ADCY8: variants seen among roughly 807,000 people sequenced by gnomAD.
ADCY8 encodes the protein adenylate cyclase 8.
In ADCY8, 51 loss-of-function variants were observed where a neutral mutation model predicts 119.7. That is an observed-to-expected ratio of 0.43 (90% CI 0.34 to 0.54). ADCY8 has a LOEUF of 0.54. Among genes scored for constraint, ADCY8 ranks in the 20% least tolerant of loss-of-function variants. The probability of loss-of-function intolerance (pLI) is 0.03; values close to 1 mark genes in which losing one functional copy is unlikely to be tolerated. For missense variants in ADCY8, 1,383 were observed against 1,598.8 expected (o/e 0.87, Z 2.30); for synonymous variants, 665 against 651.0 (o/e 1.02, Z -0.33).
At chr8:130,942,342 A>T (rs1490363636) in intron 4 of ADCY8, among the ~76,000 whole-genome samples, 1 of 152,184 alleles carries the variant, frequency 6.6e-6, no homozygotes, top group Non-Finnish European at 1.5e-5. Flanking sequence ...GTCTTCTCTC[A>T]TCTAAAGGTC....
intron 1 of ADCY8, among the ~76,000 whole-genome samples, chr8:131,007,573 A>G (rs943824635): frequency 6.6e-6 from 1 of 152,254 alleles, no homozygotes; most frequent in East Asian, 1.9e-4. Context: ...CCTAGAGCTT[A>G]GCAGTCACCA....
At chr8:130,840,716 G>GT (rs1308921485) in intron 11 of ADCY8, among the ~76,000 whole-genome samples, 2 of 152,114 alleles carry the variant, frequency 1.3e-5, no homozygotes, top group Non-Finnish European at 2.9e-5. Context: ...TGAATACAGT[G>GT]TTTTGGGGTA....
chr8:130,967,134 T>A (rs1019564702), intron 2 of ADCY8, among the ~76,000 whole-genome samples: 2 of 152,258 alleles, frequency 1.3e-5, no homozygotes, highest in South Asian at 2.1e-4. Flanking sequence ...AAGGGTTTTT[T>A]ATGGAATTTT....
At chr8:130,914,980 A>G (rs911372418) in intron 5 of ADCY8, among the ~76,000 whole-genome samples, 17 of 152,184 alleles carry the variant, frequency 1.1e-4, no homozygotes, top group Non-Finnish European at 2.9e-5. Flanking sequence ...AGATGGATCT[A>G]AGAGTCCCAG....
intron 8 of ADCY8, among the ~76,000 whole-genome samples, chr8:130,871,470 A>C (rs1437673557): frequency 6.6e-6 from 1 of 152,190 alleles, no homozygotes; most frequent in Non-Finnish European, 1.5e-5. Context: ...GAATTATCTC[A>C]TAAGGGTTAC....
chr8:131,009,447 C>T (rs1303567280), intron 1 of ADCY8, among the ~76,000 whole-genome samples: 1 of 152,178 alleles, frequency 6.6e-6, no homozygotes, highest in Non-Finnish European at 1.5e-5. Context: ...CTCAGGACAT[C>T]TGATGGTTTT....
At chr8:130,803,916 C>A (rs1224785913) in intron 14 of ADCY8, among the ~76,000 whole-genome samples, 1 of 152,222 alleles carries the variant, frequency 6.6e-6, no homozygotes, top group Admixed American at 6.5e-5. Flanking sequence ...AGAGCACAGG[C>A]AGCTGATGAC....
chr8:130,960,275 T>A (rs1315550184), intron 2 of ADCY8, among the ~76,000 whole-genome samples: 1 of 152,150 alleles, frequency 6.6e-6, no homozygotes, highest in Non-Finnish European at 1.5e-5. Context: ...CAGGTATTAA[T>A]ATTTACTCTG....
chr8:130,947,046 G>C (rs1821126334), intron 3 of ADCY8, among the ~76,000 whole-genome samples: 3 of 152,100 alleles, frequency 2.0e-5, no homozygotes, highest in African/African-American at 7.2e-5. Context: ...TTGATTCTTG[G>C]CATAATTTGT....
chr8:130,943,344 A>G lies in ADCY8; in HGVS notation c.1353+7T>C. On this transcript the variant is annotated splice_region_variant and intron_variant, in intron 4 of 17. Transcript: ENST00000286355. ...AAAAGACGAGGAGGAAATTAAATTC[A>G]ACTCACATGGGCCAGTCGATCAAAT... is the stretch of plus-strand genomic sequence containing the variant. 1 of 1,605,082 alleles carries G rather than the reference A, an allele frequency of 6.2e-7. No homozygotes were observed. Among genetic ancestry groups the G allele is most frequent in the Non-Finnish European group, 8.5e-7 (1 of 1,172,172 alleles).
chr8:130,917,908 C>G (rs1233184598), intron 5 of ADCY8, among the ~76,000 whole-genome samples: 2 of 152,096 alleles, frequency 1.3e-5, no homozygotes, highest in African/African-American at 4.8e-5. Flanking sequence ...TCCTACCTGC[C>G]TGGAAGCACT....
At chr8:130,835,930 C>T (rs190407050) in intron 12 of ADCY8, among the ~76,000 whole-genome samples, 2 of 152,194 alleles carry the variant, frequency 1.3e-5, no homozygotes, top group East Asian at 3.9e-4. Flanking sequence ...GGGCTTAATA[C>T]ACAGTGGCTG....
chr8:131,015,184 C>T (rs1823432003), intron 1 of ADCY8, among the ~76,000 whole-genome samples: 3 of 152,016 alleles, frequency 2.0e-5, no homozygotes, highest in Admixed American at 2.0e-4. Flanking sequence ...TGTCAGTCAT[C>T]AAAATAGAAG....
In ADCY8 at chr8:130,873,075, T is replaced by C. The variant is rs575258440; in HGVS notation, c.2110-5129A>G. ...TTCAGATTTCTTATCCACAGAGAGA[T>C]GATCAGGGAAGTTCGTTTACAGAGG... On this transcript the variant is annotated intron_variant, in intron 8 of 17. Transcript: ENST00000286355. Among the ~76,000 whole-genome samples the C allele has an allele frequency of 2.0e-5, 3 of 152,316 alleles. No homozygotes were observed. In the East Asian group the frequency reaches 5.8e-4, roughly 29 times the overall value.
chr8:130,825,281 AC>A (rs1362385152), intron 12 of ADCY8, among the ~76,000 whole-genome samples: 5 of 152,322 alleles, frequency 3.3e-5, no homozygotes, highest in African/African-American at 1.2e-4. Flanking sequence ...AGAACACTAA[AC>A]ATACTCCTCT....
chr8:130,940,533 A>T (rs1820925696), intron 4 of ADCY8, among the ~76,000 whole-genome samples: 1 of 151,852 alleles, frequency 6.6e-6, no homozygotes. Context: ...AAATGTATGT[A>T]ATATATATAA....
At chr8:130,998,208 A>G (rs774151493) in intron 1 of ADCY8, among the ~76,000 whole-genome samples, 7 of 152,154 alleles carry the variant, frequency 4.6e-5, no homozygotes, top group Non-Finnish European at 7.3e-5. Flanking sequence ...GCCATAAATA[A>G]TAATACAGCA....
At chr8:130,810,393 T>C (rs1321200548) in intron 14 of ADCY8, among the ~76,000 whole-genome samples, 1 of 131,228 alleles carries the variant, frequency 7.6e-6, no homozygotes, top group African/African-American at 2.8e-5. Context: ...CACACTAGTC[T>C]TGCCATACTC....
Position 130,995,071 on chromosome 8 carries a change from G to T in ADCY8, c.961-4529C>A, listed in dbSNP as rs183168671. Among the ~76,000 whole-genome samples the T allele has an allele frequency of 2.0e-5, 3 of 152,266 alleles. No individual in the cohort carries two copies. In the East Asian group the frequency reaches 5.8e-4, roughly 29 times the overall value. Reference sequence around the variant, plus strand: ...GGGAAAATAGTCACTCTTATACCTAGTTGGTGAAATGTGTGAATCTGGCAA... The same window carrying T: ...GGGAAAATAGTCACTCTTATACCTATTTGGTGAAATGTGTGAATCTGGCAA... On this transcript the variant is annotated intron_variant, in intron 1 of 17. Coordinates refer to ENST00000286355, the MANE Select transcript of ADCY8 (RefSeq NM_001115.3).
Sources: allele counts gnomAD v4.1 joint callset (sites outside exome capture counted in the v4.1 genomes callset), GRCh38; gene constraint gnomAD v4.1.1; transcripts MANE v1.5; gene names NCBI Gene and HGNC (gene_info 2026-07-23, HGNC 2026-07-21).